HNF4G: variants seen among roughly 807,000 people sequenced by gnomAD.
HNF4G encodes the protein hepatocyte nuclear factor 4-gamma.
In HNF4G, 21 loss-of-function variants were observed where a neutral mutation model predicts 50.9. The observed-to-expected ratio is 0.41, with a 90% CI of 0.29 to 0.59. The LOEUF (loss-of-function observed/expected upper bound fraction) is 0.59, where lower values mean the gene tolerates loss of function less well. Among genes scored for constraint, HNF4G ranks in the 20% least tolerant of loss-of-function variants. HNF4G has a pLI of 0.26. For missense variants in HNF4G, 527 were observed against 559.4 expected, an observed-to-expected ratio of 0.94 and a Z score of 0.58; for synonymous variants, 198 against 185.6, an observed-to-expected ratio of 1.07 and a Z score of -0.54.
In HNF4G at chr8:75,563,966, C is replaced by T. The variant is rs749172252; in HGVS notation, c.1247-9C>T. The T allele has an allele frequency of 6.2e-7, 1 of 1,612,788 alleles. No homozygotes were observed. Among genetic ancestry groups the T allele is most frequent in the Admixed American group, 1.7e-5 (1 of 59,932 alleles). ...CACCATTAGACTCAATTCTCTGATT[C>T]TTTTTCAGCAACTCCTGAAACCCCA... On this transcript the variant is annotated splice_polypyrimidine_tract_variant and intron_variant, in intron 9 of 9. Transcript: ENST00000396423.
intron 4 of HNF4G, among the ~76,000 whole-genome samples, chr8:75,551,966 G>C (rs1179927509): frequency 6.6e-6 from 1 of 151,998 alleles, no homozygotes; most frequent in African/African-American, 2.4e-5. Context: ...ACACAGAAGA[G>C]AGAAAACTTT....
intron 1 of HNF4G, among the ~76,000 whole-genome samples, chr8:75,439,921 T>C (rs1811236468): frequency 6.6e-6 from 1 of 152,136 alleles, no homozygotes; most frequent in Admixed American, 6.6e-5. Context: ...TATTGATTTC[T>C]ATTGTCATGA....
chr8:75,540,745 C>T (rs1806595317), intron 1 of HNF4G, among the ~76,000 whole-genome samples: 1 of 151,694 alleles, frequency 6.6e-6, no homozygotes. Flanking sequence ...TTACTATTGA[C>T]TTTGAATTTA....
chr8:75,423,431 C>T lies in HNF4G; in HGVS notation c.-144+15269C>T, dbSNP rs145782723. 1.9e-3 allele frequency among the ~76,000 whole-genome samples: 273 copies of T among 141,470 alleles called. 1 individual carries two copies. The highest frequency in any genetic ancestry group is 6.8e-3 in the African/African-American group (256 of 37,728). 92.8% of individuals were successfully genotyped at this position (141,470 alleles called of 152,430 possible). ...CTGGGGCGATCTTGGTGCACTGCAA[C>T]CTCAACTTCCCGGGTTCAAGCAATT... On this transcript the variant is annotated intron_variant, in intron 1 of 10. Transcript: ENST00000354370.
In HNF4G at chr8:75,416,317, G is replaced by A. The variant is rs112755632; in HGVS notation, c.-144+8155G>A. Among the ~76,000 whole-genome samples, 240 of 152,056 alleles carry A rather than the reference G, an allele frequency of 1.6e-3. 2 individuals are homozygous for A. Among genetic ancestry groups the A allele is most frequent in the African/African-American group, 5.5e-3 (230 of 41,472 alleles). ...GCAATTAGAACATCAGATCAACTTC[G>A]GAAACATGAATAAAAATTACCTGCT... On this transcript the variant is annotated intron_variant, in intron 1 of 10. Transcript: ENST00000354370.
At chr8:75,549,496 A>T (rs1277073092) in intron 3 of HNF4G, among the ~76,000 whole-genome samples, 1 of 151,766 alleles carries the variant, frequency 6.6e-6, no homozygotes, top group Non-Finnish European at 1.5e-5. Context: ...AGTAAGTATG[A>T]TTTTAAAATA....
intron 2 of HNF4G, among the ~76,000 whole-genome samples, chr8:75,491,475 T>TCTTTC (rs1812627082): frequency 1.3e-5 from 2 of 151,920 alleles, no homozygotes; most frequent in Non-Finnish European, 2.9e-5. Flanking sequence ...CTTTTTCTTT[T>TCTTTC]CTTTCCTTTT....
chr8:75,551,621 T>G (rs1806963099), intron 4 of HNF4G, 127 bp downstream of exon 4: 4 of 546,532 alleles, frequency 7.3e-6, no homozygotes, highest in East Asian at 2.9e-5. Flanking sequence ...CTACACACAA[T>G]TAAGAGTTTT....
At chr8:75,540,715 G>A (rs928685933) in intron 1 of HNF4G, among the ~76,000 whole-genome samples, 2 of 152,032 alleles carry the variant, frequency 1.3e-5, no homozygotes, top group Admixed American at 1.3e-4. Context: ...TTTAGGGGTA[G>A]TGTCTTTATG....
intron 2 of HNF4G, among the ~76,000 whole-genome samples, chr8:75,497,715 G>A (rs894785016): frequency 1.3e-5 from 2 of 151,640 alleles, no homozygotes; most frequent in African/African-American, 4.8e-5. Context: ...TAGATAAAAT[G>A]GTTTCATGTA....
chr8:75,454,513 C>T (rs1811672302), intron 1 of HNF4G, among the ~76,000 whole-genome samples: 1 of 152,298 alleles, frequency 6.6e-6, no homozygotes. Context: ...TCTATGTCAT[C>T]TCCAACTGTT....
At chr8:75,528,218 T>C (rs762554059) in intron 2 of HNF4G, among the ~76,000 whole-genome samples, 44 of 152,186 alleles carry the variant, frequency 2.9e-4, no homozygotes, top group Non-Finnish European at 5.4e-4. Context: ...ACTAGTGGCA[T>C]GCAATAATAT....
rs1034256274 is a variant in HNF4G at position 75,523,174 on chromosome 8, G to A, written c.-23-20637G>A. Among the ~76,000 whole-genome samples, 10 of 152,032 alleles carry A rather than the reference G, an allele frequency of 6.6e-5. No homozygotes were observed. In the South Asian group the frequency reaches 1.5e-3, roughly 22 times the overall value. On this transcript the variant is annotated intron_variant, in intron 2 of 10. Coordinates refer to the HNF4G transcript ENST00000354370. ...TGGGAGGTGGAGGTTGCAGTGAGCC[G>A]AGATCGCGCCACTGCACTCCAGCCT...
At chr8:75,462,528 A>G (rs1167625122) in intron 1 of HNF4G, among the ~76,000 whole-genome samples, 4 of 152,204 alleles carry the variant, frequency 2.6e-5, no homozygotes, top group Non-Finnish European at 4.4e-5. Flanking sequence ...GTTTATTTTT[A>G]GAATTTTCAG....
In HNF4G at chr8:75,456,151, G is replaced by T. The variant is rs912030889; in HGVS notation, c.-143-33938G>T. Among the ~76,000 whole-genome samples the T allele has an allele frequency of 1.2e-4, 19 of 152,026 alleles. 1 individual carries two copies. The highest frequency in any genetic ancestry group is 4.1e-4 in the African/African-American group (17 of 41,488). On this transcript the variant is annotated intron_variant, in intron 1 of 10. Coordinates refer to the HNF4G transcript ENST00000354370. ...CAGAGCTTCATATATATCCAGTAAG[G>T]CTCATTTTCTACATATTTGAGATCT...
chr8:75,513,735 AT>A (rs911427558), intron 2 of HNF4G, among the ~76,000 whole-genome samples: 16 of 151,836 alleles, frequency 1.1e-4, no homozygotes, highest in South Asian at 4.1e-4. Flanking sequence ...TATGCAAAAG[AT>A]TTTTTTCTTA....
chr8:75,486,997 C>A (rs1257688347), intron 1 of HNF4G, among the ~76,000 whole-genome samples: 2 of 151,884 alleles, frequency 1.3e-5, no homozygotes, highest in South Asian at 2.1e-4. Context: ...CAGAGCGAGA[C>A]CCTGTCTAAA....
At chr8:75,542,066 T>C (rs1199740967) in intron 1 of HNF4G, among the ~76,000 whole-genome samples, 3 of 152,044 alleles carry the variant, frequency 2.0e-5, no homozygotes, top group Non-Finnish European at 4.4e-5. Flanking sequence ...TTTGGGAGGC[T>C]AAGGCAGGAG....
chr8:75,472,961 T>C (rs112237398), intron 1 of HNF4G, among the ~76,000 whole-genome samples: 20 of 152,276 alleles, frequency 1.3e-4, no homozygotes, highest in African/African-American at 4.6e-4. Context: ...GTTTAAACAA[T>C]GGGCTGGTCT....
Sources: gnomAD v4.1 joint callset for allele counts (sites outside exome capture counted in the v4.1 genomes callset) on GRCh38, gnomAD v4.1.1 for gene constraint, MANE v1.5 for transcripts, NCBI Gene and HGNC (gene_info 2026-07-23, HGNC 2026-07-21) for gene names.